The following SMURF1 variants were observed in gnomAD, a reference collection of about 807,000 sequenced individuals.
The protein encoded by SMURF1 is SMAD specific E3 ubiquitin protein ligase 1, also known as E3 ubiquitin-protein ligase SMURF1.
A neutral mutation model predicts 98.0 loss-of-function variants in SMURF1; 44 were observed. The ratio of observed to expected loss-of-function variants is 0.45; its 90% CI spans 0.35 to 0.58. The LOEUF (loss-of-function observed/expected upper bound fraction) is 0.58, where lower values mean the gene tolerates loss of function less well. Among genes scored for constraint, SMURF1 ranks in the 20% least tolerant of loss-of-function variants. SMURF1 has a pLI of 0.00. For missense variants in SMURF1, 687 were observed against 938.4 expected (o/e 0.73, Z 3.50); for synonymous variants, 396 against 374.9 (o/e 1.06, Z -0.65).
intron 1 of SMURF1, among the ~76,000 whole-genome samples, chr7:99,079,161 T>C (rs941826888): frequency 9.2e-5 from 14 of 152,218 alleles, no homozygotes; most frequent in Non-Finnish European, 1.3e-4. Context: ...ACTAGAGTGA[T>C]GCCTCGGGCA....
intron 2 of SMURF1, 141 bp downstream of exon 2, chr7:99,061,658 A>C: frequency 1.8e-6 from 1 of 549,060 alleles, no homozygotes; most frequent in Non-Finnish European, 3.1e-6. Context: ...CAACCGGGAA[A>C]TAAAGCTTGG....
At chr7:99,084,484 G>A (rs1796636370) in intron 1 of SMURF1, among the ~76,000 whole-genome samples, 1 of 152,048 alleles carries the variant, frequency 6.6e-6, no homozygotes, top group Non-Finnish European at 1.5e-5. Context: ...GAAATTTAAT[G>A]CAATTCTGTT....
At position 99,052,356 on chromosome 7, in the gene SMURF1, A is replaced by T; in HGVS notation, c.570T>A (p.Ala190=). The change falls in exon 7 of 18, where the codon GCT becomes GCA. Residue 190 remains alanine (A), a synonymous_variant. Transcript: ENST00000361368. ...CCACGAACCTGCAATTCCCTCCTCC[A>T]GCAGCAGCACCGGTGCTATCTGTGT... ...APYTDSTGAA[A]GGGNCRFVES... 6.2e-7 allele frequency: 1 copy of T among 1,612,518 alleles called. No homozygotes were observed. The highest frequency in any genetic ancestry group is 8.5e-7 in the Non-Finnish European group (1 of 1,179,318).
chr7:99,097,071 T>A (rs1460775584), intron 1 of SMURF1, among the ~76,000 whole-genome samples: 1 of 152,002 alleles, frequency 6.6e-6, no homozygotes, highest in Non-Finnish European at 1.5e-5. Flanking sequence ...TTAGAGAATA[T>A]TTTGAACTGA....
intron 1 of SMURF1, among the ~76,000 whole-genome samples, chr7:99,119,900 T>C (rs372747828): frequency 1.3e-5 from 2 of 152,186 alleles, no homozygotes; most frequent in Non-Finnish European, 2.9e-5. Context: ...CCCTAAAAAT[T>C]TGATGTATTG....
intron 1 of SMURF1, among the ~76,000 whole-genome samples, chr7:99,078,967 G>C (rs925719): frequency 0.39 from 58,693 of 152,188 alleles, 13,877 homozygotes; most frequent in Non-Finnish European, 0.53. Context: ...CATGAAACTG[G>C]TCCCTGGTGC....
intron 17 of SMURF1, 71 bp downstream of exon 17, chr7:99,032,966 A>AC (rs1392109990): frequency 4.6e-5 from 70 of 1,526,392 alleles, no homozygotes; most frequent in Non-Finnish European, 5.4e-5. Context: ...AAAAACAACA[A>AC]AAAAAAAACG....
Position 99,143,944 on chromosome 7 carries a change from T to G in SMURF1, c.-164A>C. On this transcript the variant is annotated 5_prime_UTR_variant, in exon 1 of 18. Transcript: ENST00000361368. ...CCCAGGCGTCCGGGCGGCAGGCGGA[T>G]GGTCGAGCCGGGAGATCGGCGCTTG... is the stretch of plus-strand genomic sequence containing the variant. The G allele has an allele frequency of 2.0e-6, 1 of 494,252 alleles. No individual in the cohort carries two copies. The highest frequency in any genetic ancestry group is 3.3e-6 in the Non-Finnish European group (1 of 303,834). The allele number at this position is 494,252 out of a possible 1,614,324, so 30.6% of individuals were successfully genotyped here. A position where few individuals can be genotyped will look rare whatever the true frequency, so the allele number is the denominator to read the frequency against.
At chr7:99,045,419 GA>G (rs1198519532) in intron 11 of SMURF1, 1 of 440,346 alleles carries the variant, frequency 2.3e-6, no homozygotes, top group African/African-American at 2.0e-5. Flanking sequence ...AGAAGGGAGT[GA>G]ATTTAAAAGT....
At position 99,060,618 on chromosome 7, in the gene SMURF1, A is replaced by T; in HGVS notation, c.184T>A (p.Trp62Arg). 1.2e-6 allele frequency: 2 copies of T among 1,613,226 alleles called. No homozygotes were observed. The highest frequency in any genetic ancestry group is 1.7e-6 in the Non-Finnish European group (2 of 1,179,774). The change falls in exon 3 of 18, where the codon TGG becomes AGG. Residue 62 changes from tryptophan to arginine, a missense_variant. Around this residue, in one of 2 missense-constraint regions of SMURF1, gnomAD observed 415 missense variants for 508.4 expected, o/e 0.82. Transcript: ENST00000361368. The stretch of plus-strand genomic sequence containing the variant: ...ACTCACAGATCATAGTGCTGGTTCC[A>T]CTTTGGGTCCAATGTGTTTTTCACA... ...DTVKNTLDPK[W>R]NQHYDLYVGK...
At chr7:99,050,888 A>G in intron 8 of SMURF1, 3 of 1,128,944 alleles carry the variant, frequency 2.7e-6, no homozygotes, top group Non-Finnish European at 3.5e-6. Context: ...TAACTCTGTT[A>G]TGGGGTGGGG....
At chr7:99,053,792 G>A (rs940016418) in intron 6 of SMURF1, among the ~76,000 whole-genome samples, 1 of 152,050 alleles carries the variant, frequency 6.6e-6, no homozygotes, top group Non-Finnish European at 1.5e-5. Flanking sequence ...AATTCATGGG[G>A]GACTGCAAAA....
chr7:99,110,031 A>AT (rs1491478819), intron 1 of SMURF1, among the ~76,000 whole-genome samples: 29 of 152,332 alleles, frequency 1.9e-4, no homozygotes, highest in African/African-American at 7.0e-4. Context: ...AGAGCTAGAA[A>AT]TAAAAAATGA....
intron 1 of SMURF1, among the ~76,000 whole-genome samples, chr7:99,122,293 A>G: frequency 6.8e-6 from 1 of 147,016 alleles, no homozygotes; most frequent in Non-Finnish European, 1.5e-5. Context: ...GGGCCACCGC[A>G]CTCCAGCCTG....
At chr7:99,054,586 G>A (rs532480474) in intron 6 of SMURF1, among the ~76,000 whole-genome samples, 21 of 152,274 alleles carry the variant, frequency 1.4e-4, no homozygotes, top group African/African-American at 4.3e-4. Context: ...GATTATAAGC[G>A]TGAGCCACCA....
intron 1 of SMURF1, among the ~76,000 whole-genome samples, chr7:99,089,202 A>G (rs1262983733): frequency 6.8e-6 from 1 of 146,754 alleles, no homozygotes; most frequent in African/African-American, 2.5e-5. Flanking sequence ...GACTCTGTCA[A>G]AAAAAAAAAA....
intron 1 of SMURF1, among the ~76,000 whole-genome samples, chr7:99,096,117 A>C (rs1796951181): frequency 6.6e-6 from 1 of 152,184 alleles, no homozygotes; most frequent in African/African-American, 2.4e-5. Flanking sequence ...AGAAAATCTC[A>C]AACCTTGGTC....
At chr7:99,073,035 A>G (rs1007138584) in intron 1 of SMURF1, among the ~76,000 whole-genome samples, 5 of 152,220 alleles carry the variant, frequency 3.3e-5, no homozygotes, top group East Asian at 1.9e-4. Flanking sequence ...CATCTCCTCA[A>G]TGAAAACCAC....
At chr7:99,052,494 A>G in intron 6 of SMURF1, 48 bp from the exon 7 acceptor site, 1 of 1,473,270 alleles carries the variant, frequency 6.8e-7, no homozygotes, top group Non-Finnish European at 9.0e-7. Flanking sequence ...TGGAGGAGTC[A>G]CAAGACCAGC....
Sources: allele counts gnomAD v4.1 joint callset (sites outside exome capture counted in the v4.1 genomes callset), GRCh38; gene constraint gnomAD v4.1.1; regional missense constraint gnomAD v4.1.1; transcripts MANE v1.5; gene names NCBI Gene and HGNC (gene_info 2026-07-23, HGNC 2026-07-21).